SDK1: variants seen among roughly 807,000 people sequenced by gnomAD.
The protein encoded by SDK1 is sidekick cell adhesion molecule 1, also known as protein sidekick-1.
In SDK1, 157 loss-of-function variants were observed where a neutral mutation model predicts 245.5. The ratio of observed to expected loss-of-function variants is 0.64; its 90% confidence interval spans 0.56 to 0.73. The LOEUF (loss-of-function observed/expected upper bound fraction) is 0.73, where lower values mean the gene tolerates loss of function less well. Among genes scored for constraint, SDK1 ranks in the 30% least tolerant of loss-of-function variants. The pLI is 0.00. For synonymous variants in SDK1, 1,647 were observed against 1,278.5 expected (o/e 1.29, Z -6.15); for missense variants, 3,583 against 3,002.3 (o/e 1.19, Z -4.52).
At chr7:3,586,581 T>G (rs1050446845) in intron 1 of SDK1, among the ~76,000 whole-genome samples, 2 of 150,738 alleles carry the variant, frequency 1.3e-5, no homozygotes, top group South Asian at 2.1e-4. Flanking sequence ...GGCGGGCGCC[T>G]GTAGTCCTAG....
At chr7:4,084,725 TG>T (rs1562786922) in intron 22 of SDK1, among the ~76,000 whole-genome samples, 1 of 92,522 alleles carries the variant, frequency 1.1e-5, no homozygotes. Context: ...TGTTATGTTA[TG>T]TTATGTTGTT....
rs1227229145 is a variant in SDK1, at chr7:3,301,617, G to A, written c.31G>A (p.Gly11Ser). 19 of 977,350 alleles carry A rather than the reference G, an allele frequency of 1.9e-5. No individual in the cohort carries two copies. The highest frequency in any genetic ancestry group is 2.2e-5 in the Non-Finnish European group (18 of 826,366). The allele number at this position is 977,350 out of a possible 1,614,324, so 60.5% of individuals were successfully genotyped here. A position where few individuals can be genotyped will look rare whatever the true frequency, so the allele number is the denominator to read the frequency against. MARGARPSAA[G>S]GGGGGAEPPE... Reference sequence around the variant, plus strand: ...CCGGGGCGCCCGGCCCTCGGCGGCCGGTGGCGGCGGCGGCGGCGCGGAGCC... The same window carrying A: ...CCGGGGCGCCCGGCCCTCGGCGGCCAGTGGCGGCGGCGGCGGCGCGGAGCC... Residue 11 changes from glycine (G) to serine (S), a missense_variant, in exon 1 of 45, where the codon GGT becomes AGT. By Grantham distance (56) the Gly-to-Ser change is moderately conservative (BLOSUM62 0). Coordinates refer to ENST00000404826, the MANE Select transcript of SDK1 (RefSeq NM_152744.4).
intron 1 of SDK1, among the ~76,000 whole-genome samples, chr7:3,506,519 C>T (rs146430250): frequency 1.4e-4 from 21 of 152,188 alleles, no homozygotes; most frequent in Non-Finnish European, 2.2e-4. Flanking sequence ...ATTGTATTTT[C>T]AAATGCTTTA....
At chr7:3,580,943 T>C (rs1780460043) in intron 1 of SDK1, among the ~76,000 whole-genome samples, 1 of 119,346 alleles carries the variant, frequency 8.4e-6, no homozygotes, top group Non-Finnish European at 1.6e-5. Flanking sequence ...CATTCCAGCC[T>C]AGGTTATAGG....
At chr7:3,353,307 G>T (rs1178424536) in intron 1 of SDK1, among the ~76,000 whole-genome samples, 1 of 152,012 alleles carries the variant, frequency 6.6e-6, no homozygotes, top group Non-Finnish European at 1.5e-5. Flanking sequence ...CTTTCATCTT[G>T]GGGGTTATTT....
intron 1 of SDK1, chr7:3,302,584 T>G (rs1258782362): frequency 1.3e-5 from 2 of 152,134 alleles, no homozygotes; most frequent in East Asian, 3.9e-4. Flanking sequence ...TGAAACGAGC[T>G]TTCCTTCCCA....
intron 1 of SDK1, among the ~76,000 whole-genome samples, chr7:3,303,093 C>G (rs985835388): frequency 6.6e-6 from 1 of 152,184 alleles, no homozygotes; most frequent in Non-Finnish European, 1.5e-5. Flanking sequence ...AATGCTCCCT[C>G]TTATGTTTTA....
chr7:3,557,193 T>C (rs1002573929), intron 1 of SDK1, among the ~76,000 whole-genome samples: 1 of 152,078 alleles, frequency 6.6e-6, no homozygotes, highest in African/African-American at 2.4e-5. Flanking sequence ...TTTAATAAAA[T>C]TGATAAATCT....
chr7:4,210,289 G>T, intron 38 of SDK1, 127 bp downstream of exon 38: 1 of 1,057,136 alleles, frequency 9.5e-7, no homozygotes. Context: ...GAAGTGGGGG[G>T]TTTTGGAATC....
At chr7:3,405,117 C>T (rs1779013349) in intron 1 of SDK1, among the ~76,000 whole-genome samples, 1 of 145,630 alleles carries the variant, frequency 6.9e-6, no homozygotes, top group Admixed American at 6.8e-5. Context: ...GGATCTAGTC[C>T]AACACTGGTC....
chr7:3,889,030 G>A (rs1781397826), intron 5 of SDK1, among the ~76,000 whole-genome samples: 2 of 152,122 alleles, frequency 1.3e-5, no homozygotes, highest in African/African-American at 2.4e-5. Flanking sequence ...CCTTGATAAT[G>A]TTTCAAGGAT....
intron 1 of SDK1, among the ~76,000 whole-genome samples, chr7:3,586,872 G>A (rs1780707356): frequency 6.6e-6 from 1 of 152,194 alleles, no homozygotes; most frequent in African/African-American, 2.4e-5. Context: ...GCAGGGAGGT[G>A]ACATGTGCTG....
intron 1 of SDK1, among the ~76,000 whole-genome samples, chr7:3,575,663 C>G (rs975185099): frequency 1.3e-5 from 2 of 151,784 alleles, no homozygotes; most frequent in African/African-American, 4.8e-5. Flanking sequence ...TTCATAAAGG[C>G]AATAGATGTG....
chr7:3,332,910 C>G (rs1018605574), intron 1 of SDK1, among the ~76,000 whole-genome samples: 1 of 152,172 alleles, frequency 6.6e-6, no homozygotes, highest in Non-Finnish European at 1.5e-5. Context: ...ATTCAGCTTA[C>G]CACTTTGACA....
chr7:3,700,515 T>G (rs1784709990), intron 4 of SDK1, among the ~76,000 whole-genome samples: 1 of 152,070 alleles, frequency 6.6e-6, no homozygotes, highest in African/African-American at 2.4e-5. Context: ...GTGGATATAA[T>G]GCAATAATTA....
rs763325467 is a variant in SDK1 at position 4,114,181 on chromosome 7, G to A, written c.3730G>A (p.Glu1244Lys). Residue 1244 changes from glutamate (E) to lysine (K), a missense_variant, in exon 25 of 45, where the codon GAG (glutamate) becomes AAG (lysine). Physicochemically the swap from Glu to Lys is moderately conservative, Grantham distance 56. Transcript: ENST00000404826. Reference sequence around the variant, plus strand: ...AGAATTCACCATCGAGGAGCTGGAGGAGTGGATGGAATACGAGCTGCAGAT... The same window carrying A: ...AGAATTCACCATCGAGGAGCTGGAGAAGTGGATGGAATACGAGCTGCAGAT... The part of the protein sequence containing the change: ...EREFTIEELE[E>K]WMEYELQMQA... 28 of 1,614,032 alleles carry A rather than the reference G, an allele frequency of 1.7e-5. No homozygotes were observed. In the South Asian group the frequency reaches 2.5e-4, roughly 15 times the overall value.
At position 3,655,448 on chromosome 7, in the gene SDK1, AATATATATATATAT is replaced by A. The variant is rs1194322286; in HGVS notation, c.713+13386_713+13399del. Among the ~76,000 whole-genome samples, 528 of 66,314 alleles carry A rather than the reference AATATATATATATAT, an allele frequency of 8.0e-3. 6 individuals carry two copies. Among genetic ancestry groups the A allele is most frequent in the African/African-American group, 0.014 (188 of 13,386 alleles). 43.5% of individuals were successfully genotyped at this position (66,314 alleles called of 152,430 possible). The stretch of plus-strand genomic sequence containing the variant: ...AACTGTCTAAAAACAAAACAAAACA[AATATATATATATAT>A]ATATATATATATATATATATATATA... On this transcript the variant is annotated intron_variant, in intron 4 of 44. Transcript: ENST00000404826.
intron 1 of SDK1, among the ~76,000 whole-genome samples, chr7:3,545,140 A>G (rs1442088808): frequency 6.6e-6 from 1 of 152,140 alleles, no homozygotes; most frequent in Non-Finnish European, 1.5e-5. Context: ...ACCAAAGCCA[A>G]CTTTAGGAGA....
intron 5 of SDK1, among the ~76,000 whole-genome samples, chr7:3,854,182 G>C (rs987825063): frequency 6.6e-6 from 1 of 151,990 alleles, no homozygotes; most frequent in Non-Finnish European, 1.5e-5. Context: ...AGGAGCCAAA[G>C]GTTATGTACG....
Sources: gnomAD v4.1 joint callset for allele counts (sites outside exome capture counted in the v4.1 genomes callset) on GRCh38, gnomAD v4.1.1 for gene constraint, MANE v1.5 for transcripts, NCBI Gene and HGNC (gene_info 2026-07-23, HGNC 2026-07-21) for gene names.